Variants in PPM1H observed in about 807,000 individuals in gnomAD.
PPM1H encodes protein phosphatase, Mg2+/Mn2+ dependent 1H, also known as protein phosphatase 1H.
Under a neutral mutation model 54.9 loss-of-function variants are expected in PPM1H, and 27 were observed. That is an observed-to-expected ratio of 0.49 (90% CI 0.36 to 0.68). The LOEUF is 0.68. Ranked by LOEUF, PPM1H falls within the 30% of genes least tolerant of loss-of-function variation. The pLI is 0.00. For synonymous variants in PPM1H, 305 were observed against 270.8 expected (o/e 1.13, Z -1.24); for missense variants, 596 against 667.8 (o/e 0.89, Z 1.19).
intron 8 of PPM1H, among the ~76,000 whole-genome samples, chr12:62,684,148 G>A (rs1240298924): frequency 6.6e-6 from 1 of 152,170 alleles, no homozygotes; most frequent in African/African-American, 2.4e-5. Context: ...CTGGGGGAGA[G>A]GCTGCACTCT....
chr12:62,682,508 T>G (rs1047442222), intron 8 of PPM1H, among the ~76,000 whole-genome samples: 3 of 152,134 alleles, frequency 2.0e-5, no homozygotes, highest in Non-Finnish European at 4.4e-5. Flanking sequence ...CCAAAAAAAG[T>G]AGGAATTCTA....
At chr12:62,648,719 A>G in intron 9 of PPM1H, 83 bp from the exon 10 acceptor site, 3 of 1,446,684 alleles carry the variant, frequency 2.1e-6, no homozygotes, top group African/African-American at 1.4e-5. Context: ...AGGGGGAGGC[A>G]TCACTACAGT....
At chr12:62,927,670 A>T (rs1026488916) in intron 1 of PPM1H, among the ~76,000 whole-genome samples, 15 of 151,900 alleles carry the variant, frequency 9.9e-5, no homozygotes, top group African/African-American at 3.4e-4. Flanking sequence ...CTCAAAAAAA[A>T]AAAAAGAAAA....
intron 4 of PPM1H, among the ~76,000 whole-genome samples, chr12:62,743,474 G>T (rs571146713): frequency 2.2e-4 from 33 of 152,062 alleles, no homozygotes; most frequent in Middle Eastern, 6.8e-3. Context: ...AGAAAATCCC[G>T]CTACTTCTCT....
rs1318587570 is a variant in PPM1H, at chr12:62,934,797, C to T, written c.-61G>A. On this transcript the variant is annotated 5_prime_UTR_variant, in exon 1 of 10. Transcript: ENST00000228705. The surrounding 1 kb of genome is among the most constrained non-coding windows in gnomAD (Gnocchi z 4.2). Reference sequence around the variant, plus strand: ...GAGGCGGCGGGGGCCGGGCAAGGCGCAGCGCGGGGCATGCAGGCTGCGGTG... The same window carrying T: ...GAGGCGGCGGGGGCCGGGCAAGGCGTAGCGCGGGGCATGCAGGCTGCGGTG... 18 of 1,390,388 alleles carry T rather than the reference C, an allele frequency of 1.3e-5. No homozygotes were observed. In the Admixed American group the frequency reaches 5.8e-4, roughly 45 times the overall value. 86.1% of individuals were successfully genotyped at this position (1,390,388 alleles called of 1,614,324 possible). A position where few individuals can be genotyped will look rare whatever the true frequency, so the allele number is the denominator to read the frequency against.
At chr12:62,733,401 C>T (rs191048379) in intron 5 of PPM1H, among the ~76,000 whole-genome samples, 2 of 152,164 alleles carry the variant, frequency 1.3e-5, no homozygotes, top group South Asian at 2.1e-4. Context: ...ATTAGAGGCG[C>T]GTGCCACCAT....
intron 3 of PPM1H, among the ~76,000 whole-genome samples, chr12:62,795,201 T>C (rs1302710887): frequency 6.6e-6 from 1 of 152,144 alleles, no homozygotes; most frequent in Non-Finnish European, 1.5e-5. Flanking sequence ...TCTCCCCTCA[T>C]TGGAAGCATT....
chr12:62,804,284 A>C (rs1357289041), intron 2 of PPM1H, among the ~76,000 whole-genome samples: 1 of 150,702 alleles, frequency 6.6e-6, no homozygotes, highest in Non-Finnish European at 1.5e-5. Flanking sequence ...AATCGAGGAG[A>C]AGGAGGCTGC....
intron 4 of PPM1H, among the ~76,000 whole-genome samples, chr12:62,740,338 G>A (rs1046754737): frequency 7.9e-5 from 12 of 152,138 alleles, no homozygotes; most frequent in African/African-American, 2.9e-4. Context: ...GATCTCCCAG[G>A]CAGCATCTGA....
At chr12:62,825,925 T>TA (rs964645481) in intron 2 of PPM1H, among the ~76,000 whole-genome samples, 40 of 149,648 alleles carry the variant, frequency 2.7e-4, no homozygotes, top group African/African-American at 5.2e-4. Flanking sequence ...CAATTACAAT[T>TA]AAAAAAAAAG....
At chr12:62,912,303 T>C (rs1871484240) in intron 1 of PPM1H, among the ~76,000 whole-genome samples, 1 of 152,232 alleles carries the variant, frequency 6.6e-6, no homozygotes, top group Non-Finnish European at 1.5e-5. Context: ...ACTTTACTTT[T>C]CTAAGTACTG....
intron 1 of PPM1H, among the ~76,000 whole-genome samples, chr12:62,867,564 A>ATTTTTTTTTTTTTTTTTTTTTTTTTTTT (rs34772338): frequency 7.2e-5 from 4 of 55,372 alleles, no homozygotes; most frequent in African/African-American, 1.9e-4. Flanking sequence ...TATGAGCACT[A>ATTTTTTTTTTTTTTTTTTTTTTTTTTTT]TTTTTTTTTT....
chr12:62,704,496 A>T (rs998497416), intron 6 of PPM1H, among the ~76,000 whole-genome samples: 2 of 152,224 alleles, frequency 1.3e-5, no homozygotes, highest in Non-Finnish European at 2.9e-5. Context: ...GAAGCTCTCC[A>T]AACAAATGCT....
chr12:62,653,487 C>T (rs1299791131), intron 9 of PPM1H, among the ~76,000 whole-genome samples: 1 of 152,132 alleles, frequency 6.6e-6, no homozygotes, highest in African/African-American at 2.4e-5. Flanking sequence ...TCCAAAGAAC[C>T]AAATTGACCT....
chr12:62,801,279 AG>A (rs1197573550), intron 3 of PPM1H, among the ~76,000 whole-genome samples: 2 of 152,186 alleles, frequency 1.3e-5, no homozygotes, highest in Non-Finnish European at 2.9e-5. Flanking sequence ...GTATTTAATA[AG>A]CCTCTGACCT....
intron 3 of PPM1H, among the ~76,000 whole-genome samples, chr12:62,794,349 A>G (rs2076719510): frequency 6.6e-6 from 1 of 152,250 alleles, no homozygotes; most frequent in African/African-American, 2.4e-5. Context: ...ACTAATTTAT[A>G]GATTTCTAAA....
chr12:62,693,706 C>T (rs934887633), intron 7 of PPM1H, among the ~76,000 whole-genome samples: 1 of 152,158 alleles, frequency 6.6e-6, no homozygotes, highest in East Asian at 1.9e-4. Flanking sequence ...ACTTTATTTT[C>T]ACAAAATTGG....
intron 8 of PPM1H, among the ~76,000 whole-genome samples, chr12:62,670,242 A>G (rs935259309): frequency 2.0e-5 from 3 of 151,806 alleles, no homozygotes; most frequent in East Asian, 1.9e-4. Flanking sequence ...CTCCCAAAGT[A>G]CTGGGATTAC....
At chr12:62,670,428 C>T (rs556431290) in intron 8 of PPM1H, among the ~76,000 whole-genome samples, 2 of 152,290 alleles carry the variant, frequency 1.3e-5, no homozygotes, top group East Asian at 1.9e-4. Context: ...ATTTGCCTTG[C>T]AGCTTCTTCT....
Sources: allele counts gnomAD v4.1 joint callset (sites outside exome capture counted in the v4.1 genomes callset), GRCh38; gene constraint gnomAD v4.1.1; non-coding constraint Gnocchi (gnomAD v3.1); transcripts MANE v1.5; gene names NCBI Gene and HGNC (gene_info 2026-07-23, HGNC 2026-07-21).